The following PBX3 variants were observed in gnomAD, a reference collection of about 807,000 sequenced individuals.
PBX3 encodes the protein pre-B-cell leukemia transcription factor 3.
In PBX3, 14 loss-of-function variants were observed where a neutral mutation model predicts 48.5. The ratio of observed to expected loss-of-function variants is 0.29; its 90% CI spans 0.19 to 0.45. PBX3 has a LOEUF of 0.45. PBX3 is among the 20% of genes least tolerant of loss of function. The pLI is 1.00. For synonymous variants in PBX3, 210 were observed against 200.3 expected (o/e 1.05, Z -0.41); for missense variants, 386 against 546.7 (o/e 0.71, Z 2.93).
intron 2 of PBX3, among the ~76,000 whole-genome samples, chr9:125,762,426 T>C (rs979028593): frequency 6.6e-6 from 1 of 151,988 alleles, no homozygotes; most frequent in African/African-American, 2.4e-5. Context: ...AATATTTACT[T>C]AGTTAGTATT....
chr9:125,768,443 C>T (rs10986892), intron 2 of PBX3, among the ~76,000 whole-genome samples: 8,975 of 152,114 alleles, frequency 0.059, 605 homozygotes, highest in East Asian at 0.17. Context: ...GAAACAAATT[C>T]TTAAAACGTT....
At chr9:125,774,578 AT>A (rs1007357953) in intron 2 of PBX3, among the ~76,000 whole-genome samples, 1 of 149,174 alleles carries the variant, frequency 6.7e-6, no homozygotes, top group African/African-American at 2.5e-5. Flanking sequence ...TCAGTACTTC[AT>A]TTTTTTTAAT....
chr9:125,916,723 A>G (rs10987028), intron 3 of PBX3, among the ~76,000 whole-genome samples: 2 of 152,202 alleles, frequency 1.3e-5, no homozygotes, highest in Admixed American at 1.3e-4. Context: ...TAATGTAATA[A>G]AGTAAAATAT....
chr9:125,839,480 C>T (rs1261248994), intron 2 of PBX3, among the ~76,000 whole-genome samples: 3 of 152,130 alleles, frequency 2.0e-5, no homozygotes, highest in Admixed American at 6.5e-5. Flanking sequence ...AGAAATAACC[C>T]TATAACAGAA....
intron 2 of PBX3, among the ~76,000 whole-genome samples, chr9:125,827,114 A>T (rs1373940533): frequency 1.3e-5 from 2 of 152,174 alleles, no homozygotes; most frequent in African/African-American, 2.4e-5. Flanking sequence ...TCCCACATAT[A>T]AATGAGAACG....
intron 2 of PBX3, among the ~76,000 whole-genome samples, chr9:125,891,677 G>A (rs1471677768): frequency 1.3e-5 from 2 of 152,188 alleles, no homozygotes; most frequent in Admixed American, 6.5e-5. Context: ...AAATGACAAA[G>A]TTAAAAACAT....
chr9:125,889,519 G>T (rs1840583800), intron 2 of PBX3, among the ~76,000 whole-genome samples: 1 of 152,164 alleles, frequency 6.6e-6, no homozygotes, highest in African/African-American at 2.4e-5. Context: ...CAGTCACCTT[G>T]ATGAAACAAT....
At chr9:125,776,011 T>G (rs1251244259) in intron 2 of PBX3, among the ~76,000 whole-genome samples, 2 of 152,262 alleles carry the variant, frequency 1.3e-5, no homozygotes, top group Non-Finnish European at 2.9e-5. Flanking sequence ...TGAAATTTTC[T>G]ATACATAGGG....
At chr9:125,775,209 TTTA>T (rs901249398) in intron 2 of PBX3, among the ~76,000 whole-genome samples, 1 of 152,200 alleles carries the variant, frequency 6.6e-6, no homozygotes, top group Non-Finnish European at 1.5e-5. Flanking sequence ...ATTTTCCATT[TTTA>T]TTATCACCAG....
At chr9:125,902,752 T>C (rs1004912097) in intron 2 of PBX3, among the ~76,000 whole-genome samples, 1 of 151,686 alleles carries the variant, frequency 6.6e-6, no homozygotes, top group African/African-American at 2.4e-5. Flanking sequence ...TGATGGTGAA[T>C]GTATATTAGT....
intron 2 of PBX3, among the ~76,000 whole-genome samples, chr9:125,787,960 A>G (rs1051506302): frequency 2.0e-5 from 3 of 152,208 alleles, no homozygotes; most frequent in Non-Finnish European, 4.4e-5. Flanking sequence ...AGGAGGTCAG[A>G]GAACTGTAAG....
intron 5 of PBX3, among the ~76,000 whole-genome samples, chr9:125,957,833 A>G (rs1435235396): frequency 6.6e-6 from 1 of 152,202 alleles, no homozygotes; most frequent in Non-Finnish European, 1.5e-5. Context: ...CCTTTGCACT[A>G]TAGATATGTT....
intron 2 of PBX3, among the ~76,000 whole-genome samples, chr9:125,895,286 A>T (rs548393450): frequency 1.3e-5 from 2 of 152,228 alleles, no homozygotes; most frequent in African/African-American, 4.8e-5. Context: ...ATACTATGTT[A>T]TTTAAGAATG....
intron 2 of PBX3, among the ~76,000 whole-genome samples, chr9:125,848,982 A>G (rs1839505312): frequency 6.6e-6 from 1 of 151,896 alleles, no homozygotes; most frequent in Non-Finnish European, 1.5e-5. Flanking sequence ...TGTGCCAGGT[A>G]CTCTATTAAG....
intron 5 of PBX3, among the ~76,000 whole-genome samples, chr9:125,949,762 G>T (rs546060394): frequency 1.3e-5 from 2 of 152,296 alleles, no homozygotes; most frequent in South Asian, 4.2e-4. Context: ...CGTGACTATA[G>T]GATTTCTTTT....
intron 5 of PBX3, 31 bp downstream of exon 5, chr9:125,935,638 C>G (rs1485286087): frequency 1.3e-6 from 2 of 1,591,658 alleles, no homozygotes; most frequent in Non-Finnish European, 1.7e-6. Flanking sequence ...CTGTCTTGTT[C>G]CCTGTGGAGA....
chr9:125,941,111 G>A (rs1841950363), intron 5 of PBX3, among the ~76,000 whole-genome samples: 1 of 152,158 alleles, frequency 6.6e-6, no homozygotes, highest in Non-Finnish European at 1.5e-5. Flanking sequence ...GTGGTTAGAG[G>A]ATGCAATTTT....
At chr9:125,780,513 G>C (rs1007213267) in intron 2 of PBX3, among the ~76,000 whole-genome samples, 2 of 139,896 alleles carry the variant, frequency 1.4e-5, no homozygotes, top group Admixed American at 1.4e-4. Context: ...CCGGGTGGGG[G>C]GCTAACTCCC....
At chr9:125,837,126 A>C (rs1839160095) in intron 2 of PBX3, among the ~76,000 whole-genome samples, 1 of 152,126 alleles carries the variant, frequency 6.6e-6, no homozygotes, top group South Asian at 2.1e-4. Context: ...AACCACCTAA[A>C]TGTTTAACAG....
Sources: allele counts gnomAD v4.1 joint callset (sites outside exome capture counted in the v4.1 genomes callset), GRCh38; gene constraint gnomAD v4.1.1; transcripts MANE v1.5; gene names NCBI Gene and HGNC (gene_info 2026-07-23, HGNC 2026-07-21).